Variants in SPPL2B observed in about 807,000 individuals in gnomAD.
SPPL2B encodes signal peptide peptidase-like 2B.
Under a neutral mutation model 59.7 loss-of-function variants are expected in SPPL2B, and 39 were observed. The ratio of observed to expected loss-of-function variants is 0.65; its 90% CI spans 0.51 to 0.85. The LOEUF is 0.85. SPPL2B is among the 40% of genes least tolerant of loss of function. The pLI, the probability that SPPL2B is intolerant of heterozygous loss-of-function variation, is 0.00. For missense variants in SPPL2B, 865 were observed against 849.0 expected (o/e 1.02, Z -0.23); for synonymous variants, 419 against 370.8 (o/e 1.13, Z -1.49).
chr19:2,332,271 G>C lies in SPPL2B; in HGVS notation c.67-2331G>C, dbSNP rs913813376. On this transcript the variant is annotated intron_variant, in intron 1 of 14. Coordinates refer to ENST00000613503, the MANE Select transcript of SPPL2B (RefSeq NM_152988.3). This position sits in a 1 kb window ranked among gnomAD's most constrained non-coding sequence, Gnocchi z 4.6. ...AGGTCACCAGGGCCTTGACCCAGAT[G>C]CTCCCAGACCAGGCCGGAGACTTTG... 2.0e-5 allele frequency among the ~76,000 whole-genome samples: 3 copies of C among 152,204 alleles called. No individual in the cohort carries two copies. The highest frequency in any genetic ancestry group is 7.2e-5 in the African/African-American group (3 of 41,452).
At chr19:2,339,550 G>A in intron 5 of SPPL2B, 1 of 587,680 alleles carries the variant, frequency 1.7e-6, no homozygotes, top group Non-Finnish European at 3.0e-6. Context: ...GGCTCTTTAT[G>A]CAGATCCAAG....
intron 1 of SPPL2B, among the ~76,000 whole-genome samples, chr19:2,331,144 A>G (rs779056747): frequency 1.3e-5 from 2 of 152,036 alleles, no homozygotes; most frequent in Non-Finnish European, 2.9e-5. Flanking sequence ...TCCTCAGCAG[A>G]TCTGAGCTGG....
At chr19:2,348,477 C>G (rs1181315675) in intron 13 of SPPL2B, among the ~76,000 whole-genome samples, 2 of 148,860 alleles carry the variant, frequency 1.3e-5, no homozygotes, top group African/African-American at 5.0e-5. Context: ...TGATTCCGTT[C>G]TCTCTCCACA....
Position 2,344,404 on chromosome 19 carries a change from G to C in SPPL2B, c.1156G>C (p.Asp386His). ...IMVEVATGPS[D>H]SATREKLPMV... ...GGTGGAGGTGGCCACTGGGCCCTCG[G>C]ACTCAGCCACCCGTGAGAAGGTGTG... is the stretch of plus-strand genomic sequence containing the variant. Residue 386 changes from aspartate (D) to histidine (H), a missense_variant, in exon 11 of 15, where the codon GAC becomes CAC. Asp to His is a moderately conservative substitution (Grantham distance 81). Coordinates refer to ENST00000613503, the MANE Select transcript of SPPL2B (RefSeq NM_152988.3). 1 of 1,569,310 alleles carries C rather than the reference G, an allele frequency of 6.4e-7. No individual in the cohort carries two copies. Among genetic ancestry groups the C allele is most frequent in the Non-Finnish European group, 8.6e-7 (1 of 1,158,018 alleles).
rs1318751376 is a variant in SPPL2B, at chr19:2,354,864, G to C, written c.*1655G>C. 1 of 152,310 alleles carries C rather than the reference G, an allele frequency of 6.6e-6. No homozygotes were observed. Among genetic ancestry groups the C allele is most frequent in the East Asian group, 1.9e-4 (1 of 5,198 alleles). The allele number at this position is 152,310 out of a possible 1,614,324, so 9.4% of individuals were successfully genotyped here. ...GGGCATCTGCTCTGTGCAGGTCCCG[G>C]TGAGCAGAACTGAGAGCTGGCAGGC... is the stretch of plus-strand genomic sequence containing the variant. On this transcript the variant is annotated 3_prime_UTR_variant, in exon 15 of 15. Transcript: ENST00000613503.
chr19:2,337,799 C>T (rs1003152353), intron 3 of SPPL2B, 174 bp downstream of exon 3: 2 of 647,964 alleles, frequency 3.1e-6, no homozygotes, highest in Non-Finnish European at 5.0e-6. Context: ...CCGAGTGTGG[C>T]CGTGGGGAGG....
In SPPL2B at chr19:2,353,481, C is replaced by A; in HGVS notation, c.*272C>A. 2.0e-6 allele frequency: 1 copy of A among 502,240 alleles called. No individual in the cohort carries two copies. Among genetic ancestry groups the A allele is most frequent in the Non-Finnish European group, 3.5e-6 (1 of 284,700 alleles). The allele number at this position is 502,240 out of a possible 1,614,324, so 31.1% of individuals were successfully genotyped here. ...CATCCTCCCCACCGGGGTCCGTCCT[C>A]GCAGGCCCTGCCCGGCCTCTCTGCA... On this transcript the variant is annotated 3_prime_UTR_variant, in exon 15 of 15. Coordinates refer to ENST00000613503, the MANE Select transcript of SPPL2B (RefSeq NM_152988.3).
chr19:2,334,746 G>T (rs772845250), intron 2 of SPPL2B, 25 bp downstream of exon 2: 3 of 1,527,412 alleles, frequency 2.0e-6, no homozygotes, highest in Admixed American at 2.1e-5. Flanking sequence ...GCCGGGCGCC[G>T]CTGCGGAGGA....
At chr19:2,331,894 T>G (rs1199653470) in intron 1 of SPPL2B, among the ~76,000 whole-genome samples, 1 of 152,240 alleles carries the variant, frequency 6.6e-6, no homozygotes, top group Non-Finnish European at 1.5e-5. Context: ...CCAATAAAAC[T>G]TTATTTACAA....
intron 5 of SPPL2B, 41 bp from the exon 6 acceptor site, chr19:2,339,783 A>C (rs541284141): frequency 6.3e-7 from 1 of 1,588,872 alleles, no homozygotes; most frequent in East Asian, 2.3e-5. Context: ...CGTGTCGGCC[A>C]GCCGGCCCCA....
chr19:2,347,277 C>G (rs1210865160), intron 13 of SPPL2B, among the ~76,000 whole-genome samples: 10 of 123,096 alleles, frequency 8.1e-5, no homozygotes, highest in African/African-American at 2.8e-4. Context: ...CACTCACGCA[C>G]TCTCATTCGC....
chr19:2,333,406 G>A (rs1019291971), intron 1 of SPPL2B, among the ~76,000 whole-genome samples: 3 of 152,222 alleles, frequency 2.0e-5, no homozygotes, highest in African/African-American at 7.2e-5. Flanking sequence ...CTAGGCCAGA[G>A]CCCTGCAGTG....
In SPPL2B at chr19:2,343,955, G is replaced by T; in HGVS notation, c.1039-10G>T. The T allele has an allele frequency of 1.3e-6, 2 of 1,547,190 alleles. No homozygotes were observed. ...GGGGTGGGGGCCGCCCTCAGCCGTG[G>T]GCTTCGCAGGCCTGCACGCTGCTGC... On this transcript the variant is annotated splice_polypyrimidine_tract_variant and intron_variant, in intron 9 of 14. Coordinates refer to ENST00000613503, the MANE Select transcript of SPPL2B (RefSeq NM_152988.3).
chr19:2,333,307 TG>T (rs1223863763), intron 1 of SPPL2B, among the ~76,000 whole-genome samples: 1 of 115,466 alleles, frequency 8.7e-6, no homozygotes, highest in Non-Finnish European at 1.8e-5. Flanking sequence ...TGCGGGAGGC[TG>T]GACTGGGCTT....
chr19:2,343,493 C>T (rs1969176762), intron 9 of SPPL2B, among the ~76,000 whole-genome samples: 1 of 152,174 alleles, frequency 6.6e-6, no homozygotes, highest in Non-Finnish European at 1.5e-5. Context: ...GGGTGGGTGG[C>T]TGCGGGGCGG....
intron 5 of SPPL2B, 135 bp downstream of exon 5, chr19:2,339,343 C>T: frequency 9.5e-7 from 1 of 1,048,972 alleles, no homozygotes; most frequent in Non-Finnish European, 1.4e-6. Flanking sequence ...CCCTTCGTTT[C>T]TTCCTCAGGA....
Position 2,353,772 on chromosome 19 carries a change from C to G in SPPL2B, c.*563C>G, listed in dbSNP as rs1278008963. The G allele has an allele frequency of 6.5e-6, 1 of 154,996 alleles. No individual in the cohort carries two copies. The highest frequency in any genetic ancestry group is 1.4e-5 in the Non-Finnish European group (1 of 69,978). 9.6% of individuals were successfully genotyped at this position (154,996 alleles called of 1,614,324 possible). A position where few individuals can be genotyped will look rare whatever the true frequency, so the allele number is the denominator to read the frequency against. ...GGCGGCCTCTGGCCCCTGACGCTGG[C>G]TGAGACAGGCCCGTGGGGCGGGGTT... On this transcript the variant is annotated 3_prime_UTR_variant, in exon 15 of 15. Transcript: ENST00000613503.
intron 8 of SPPL2B, 54 bp from the exon 9 acceptor site, chr19:2,343,157 T>G (rs1414997656): frequency 1.1e-5 from 16 of 1,453,126 alleles, no homozygotes; most frequent in South Asian, 1.2e-5. Flanking sequence ...GGAGGCGGCG[T>G]CCTGGGTGGT....
chr19:2,348,135 G>A (rs1479930394), intron 13 of SPPL2B, among the ~76,000 whole-genome samples: 2 of 84,560 alleles, frequency 2.4e-5, no homozygotes, highest in Admixed American at 1.4e-4. Flanking sequence ...ACACACTCAC[G>A]CTCTCATTCG....
Sources: allele counts gnomAD v4.1 joint callset (sites outside exome capture counted in the v4.1 genomes callset), GRCh38; gene constraint gnomAD v4.1.1; non-coding constraint Gnocchi (gnomAD v3.1); transcripts MANE v1.5; gene names NCBI Gene and HGNC (gene_info 2026-07-23, HGNC 2026-07-21).